ARID4B: variants seen among roughly 807,000 people sequenced by gnomAD.
ARID4B encodes AT-rich interactive domain-containing protein 4B.
A neutral mutation model predicts 147.5 loss-of-function variants in ARID4B; 26 were observed. The ratio of observed to expected loss-of-function variants is 0.18; its 90% CI spans 0.13 to 0.24. The LOEUF is 0.24. ARID4B is among the 10% of genes least tolerant of loss of function. The pLI, the probability that ARID4B is intolerant of heterozygous loss-of-function variation, is 1.00. For synonymous variants in ARID4B, 512 were observed against 507.9 expected (o/e 1.01, Z -0.11); for missense variants, 1,179 against 1,511.5 (o/e 0.78, Z 3.65).
At position 235,219,925 on chromosome 1, in the gene ARID4B, T is replaced by A. The variant is rs570164260; in HGVS notation, c.1451A>T (p.Asp484Val). The change falls in exon 16 of 24, where the codon GAT becomes GTT. Residue 484 changes from aspartate to valine, a missense_variant. Coordinates refer to ENST00000264183, the MANE Select transcript of ARID4B (RefSeq NM_016374.6). ...NLLESIPTHS[D>V]QEKEVNIKKP... ...TTTAATGTTAACTTCTTTTTCCTGA[T>A]CAGAATGTGTAGGTATAGATTCTAA... 3 of 1,587,704 alleles carry A rather than the reference T, an allele frequency of 1.9e-6. No homozygotes were observed. The South Asian group carries it at 3.4e-5, about 18-fold the overall frequency.
intron 2 of ARID4B, among the ~76,000 whole-genome samples, chr1:235,315,825 A>G (rs897632455): frequency 1.3e-5 from 2 of 152,194 alleles, no homozygotes; most frequent in South Asian, 2.1e-4. Flanking sequence ...ATTAGAGTAA[A>G]TAATTGAATA....
chr1:235,302,515 T>G (rs1239544153), intron 2 of ARID4B, among the ~76,000 whole-genome samples: 1 of 152,230 alleles, frequency 6.6e-6, no homozygotes, highest in Non-Finnish European at 1.5e-5. Flanking sequence ...GTTTTGGATA[T>G]GCTGGGTTAA....
At chr1:235,322,209 G>A (rs747756194) in intron 2 of ARID4B, among the ~76,000 whole-genome samples, 2 of 151,756 alleles carry the variant, frequency 1.3e-5, no homozygotes, top group Non-Finnish European at 2.9e-5. Flanking sequence ...TGTATTTTTA[G>A]TAGAAACAGG....
intron 2 of ARID4B, among the ~76,000 whole-genome samples, chr1:235,289,489 C>T (rs762715330): frequency 1.3e-5 from 2 of 151,930 alleles, no homozygotes; most frequent in African/African-American, 2.4e-5. Context: ...ACTGGGAGGC[C>T]GAGGTAGGTG....
At chr1:235,285,059 G>A (rs1269515630) in intron 2 of ARID4B, among the ~76,000 whole-genome samples, 2 of 152,026 alleles carry the variant, frequency 1.3e-5, no homozygotes, top group Admixed American at 6.6e-5. Flanking sequence ...ACCTACAGGT[G>A]CAGACCACCA....
chr1:235,312,803 T>C (rs1486562050), intron 2 of ARID4B, among the ~76,000 whole-genome samples: 1 of 152,008 alleles, frequency 6.6e-6, no homozygotes, highest in African/African-American at 2.4e-5. Context: ...CAAAACCCCA[T>C]CTCTACTAAA....
rs138121998 is a variant in ARID4B, at chr1:235,182,033, C to T, written c.2886G>A (p.Glu962=). ...TCTGCAGTGACTCCTCTGCCACCCC[C>T]TCCTCTGGGGCAGGATGCGGTGGGG... The part of the protein sequence containing the change: ...AASPPHPAPE[E]GVAEESLQTV... Residue 962 remains glutamate (E), a synonymous_variant, in exon 20 of 24, where the codon GAG becomes GAA. Coordinates refer to ENST00000264183, the MANE Select transcript of ARID4B (RefSeq NM_016374.6). 3.1e-6 allele frequency: 5 copies of T among 1,614,174 alleles called. No homozygotes were observed. The highest frequency in any genetic ancestry group is 4.2e-6 in the Non-Finnish European group (5 of 1,180,040).
rs775815526 is a variant in ARID4B, at chr1:235,213,878, G to A, written c.1732C>T (p.Arg578Trp). 6.8e-6 allele frequency: 11 copies of A among 1,613,638 alleles called. No individual in the cohort carries two copies. Among genetic ancestry groups the A allele is most frequent in the African/African-American group, 2.7e-5 (2 of 74,778 alleles). The change falls in exon 17 of 24, where the codon CGG (arginine) becomes TGG (tryptophan). Residue 578 changes from arginine (R) to tryptophan (W), a missense_variant. By Grantham distance (101) the Arg-to-Trp change is moderately radical (BLOSUM62 -3). Transcript: ENST00000264183. Reference protein sequence around the residue: ...CYPPGMKVQVRYGRGKNQKMY... With the variant: ...CYPPGMKVQVWYGRGKNQKMY... ...TTTTGATTTTTCCCTCGTCCATACCGCACTTGGACTTTCATGCCTGGTGGA... is the reference window on the plus strand; with the variant it reads ...TTTTGATTTTTCCCTCGTCCATACCACACTTGGACTTTCATGCCTGGTGGA...
chr1:235,302,376 CAG>C (rs1180710337), intron 2 of ARID4B, among the ~76,000 whole-genome samples: 1 of 150,594 alleles, frequency 6.6e-6, no homozygotes, highest in Admixed American at 6.6e-5. Flanking sequence ...GACAGAAAGA[CAG>C]AAAGAATTTA....
At chr1:235,256,173 C>CAA (rs58486379) in intron 4 of ARID4B, among the ~76,000 whole-genome samples, 7 of 92,506 alleles carry the variant, frequency 7.6e-5, no homozygotes, top group Non-Finnish European at 6.2e-5. Context: ...GACTCTGCCT[C>CAA]AAAAAAAAAA....
At chr1:235,281,992 C>G (rs992741433) in intron 2 of ARID4B, among the ~76,000 whole-genome samples, 3 of 152,122 alleles carry the variant, frequency 2.0e-5, no homozygotes, top group Non-Finnish European at 4.4e-5. Context: ...GGGTAAAATA[C>G]TAGCCTAGGA....
intron 23 of ARID4B, among the ~76,000 whole-genome samples, chr1:235,171,174 G>A (rs917923847): frequency 2.6e-5 from 4 of 152,116 alleles, no homozygotes; most frequent in Non-Finnish European, 5.9e-5. Flanking sequence ...GCTCATGCCT[G>A]TAATCCCAGC....
intron 23 of ARID4B, among the ~76,000 whole-genome samples, chr1:235,168,910 A>G (rs1229331377): frequency 6.6e-6 from 1 of 152,204 alleles, no homozygotes; most frequent in Non-Finnish European, 1.5e-5. Flanking sequence ...TCAAAGAGGG[A>G]AAGAACTGTG....
chr1:235,202,586 G>A (rs1329678540), intron 17 of ARID4B, among the ~76,000 whole-genome samples: 1 of 149,708 alleles, frequency 6.7e-6, no homozygotes, highest in Non-Finnish European at 1.5e-5. Flanking sequence ...GTCTTGCTCT[G>A]TTGCCCTGGC....
rs562400395 is a variant in ARID4B, at chr1:235,326,943, C to A, written c.-24G>T. 2 of 1,613,610 alleles carry A rather than the reference C, an allele frequency of 1.2e-6. No homozygotes were observed. Among genetic ancestry groups the A allele is most frequent in the African/African-American group, 1.3e-5 (1 of 75,012 alleles). On this transcript the variant is annotated 5_prime_UTR_variant, in exon 2 of 24. In the 5' UTR this introduces an upstream ATG that the reference lacks. Coordinates refer to ENST00000264183, the MANE Select transcript of ARID4B (RefSeq NM_016374.6). ...ATGATGACTCTGGGACCAAGGTATC[C>A]TCTAAAACACCAGGTTCAGCTGCAC...
chr1:235,257,101 C>T, intron 4 of ARID4B, 59 bp downstream of exon 4: 2 of 1,157,244 alleles, frequency 1.7e-6, no homozygotes, highest in Admixed American at 3.5e-5. Context: ...GAATTAATAC[C>T]AAGTATGATT....
chr1:235,247,466 A>G (rs1438947921), intron 6 of ARID4B, among the ~76,000 whole-genome samples: 4 of 152,224 alleles, frequency 2.6e-5, no homozygotes. Context: ...AATTCATTAG[A>G]ATATATGTAA....
At position 235,240,455 on chromosome 1, in the gene ARID4B, G is replaced by A. The variant is rs761923646; in HGVS notation, c.447-4C>T. 5 of 1,611,328 alleles carry A rather than the reference G, an allele frequency of 3.1e-6. No homozygotes were observed. The highest frequency in any genetic ancestry group is 4.2e-6 in the Non-Finnish European group (5 of 1,178,352). ...TGATGAAGACTCTTCCTCTGGTCTA[G>A]GGAGAGAAAAAAATAAAATATTTCC... On this transcript the variant is annotated splice_polypyrimidine_tract_variant and splice_region_variant and intron_variant, in intron 7 of 23. Transcript: ENST00000264183.
intron 5 of ARID4B, 116 bp from the exon 6 acceptor site, chr1:235,252,925 A>G: frequency 1.5e-6 from 1 of 683,966 alleles, no homozygotes. Context: ...CTACATTTGG[A>G]ATTCAATTCA....
Sources: gnomAD v4.1 joint callset for allele counts (sites outside exome capture counted in the v4.1 genomes callset) on GRCh38, gnomAD v4.1.1 for gene constraint, MANE v1.5 for transcripts, NCBI Gene and HGNC (gene_info 2026-07-23, HGNC 2026-07-21) for gene names.